CTNNA2: variants seen among roughly 807,000 people sequenced by gnomAD.
The protein encoded by CTNNA2 is catenin alpha 2.
A neutral mutation model predicts 101.0 loss-of-function variants in CTNNA2; 42 were observed. The observed-to-expected ratio is 0.42, with a 90% CI of 0.32 to 0.54. CTNNA2 has a LOEUF of 0.54. Among genes scored for constraint, CTNNA2 ranks in the 20% least tolerant of loss-of-function variants. The pLI, the probability that CTNNA2 is intolerant of heterozygous loss-of-function variation, is 0.14. For synonymous variants in CTNNA2, 450 were observed against 456.4 expected, an observed-to-expected ratio of 0.99 and a Z score of 0.18; for missense variants, 871 against 1,223.1, an observed-to-expected ratio of 0.71 and a Z score of 4.29.
At chr2:80,643,266 G>A (rs943010659) in intron 18 of CTNNA2, among the ~76,000 whole-genome samples, 3 of 152,044 alleles carry the variant, frequency 2.0e-5, no homozygotes, top group Non-Finnish European at 2.9e-5. Flanking sequence ...GTAAGATCAT[G>A]GGCTCAGTGG....
chr2:80,389,324 C>G (rs935167046), intron 7 of CTNNA2, among the ~76,000 whole-genome samples: 8 of 145,992 alleles, frequency 5.5e-5, no homozygotes, highest in African/African-American at 1.9e-4. Flanking sequence ...AAAACTCAGA[C>G]TTTTAAAAAA....
chr2:80,201,388 T>TG (rs1195097277), intron 7 of CTNNA2, among the ~76,000 whole-genome samples: 7 of 146,020 alleles, frequency 4.8e-5, no homozygotes, highest in Non-Finnish European at 1.1e-4. Flanking sequence ...TTTTTTTTTT[T>TG]TTTGAGACAG....
At chr2:79,618,430 T>C (rs1678780234) in intron 1 of CTNNA2, among the ~76,000 whole-genome samples, 1 of 152,308 alleles carries the variant, frequency 6.6e-6, no homozygotes, top group African/African-American at 2.4e-5. Context: ...GGTTGCTAGT[T>C]TGAGGTTACT....
At chr2:79,497,178 G>A (rs1212724966) in intron 4 of CTNNA2, among the ~76,000 whole-genome samples, 1 of 152,196 alleles carries the variant, frequency 6.6e-6, no homozygotes, top group Non-Finnish European at 1.5e-5. Context: ...GGGCCTGCAG[G>A]AGCTAAGGAG....
chr2:79,860,248 C>T (rs930019618), intron 4 of CTNNA2, among the ~76,000 whole-genome samples: 9 of 152,204 alleles, frequency 5.9e-5, no homozygotes, highest in Non-Finnish European at 1.2e-4. Context: ...TACGACTGAA[C>T]CTAACAAAAT....
At chr2:80,380,311 C>G (rs1341235957) in intron 7 of CTNNA2, among the ~76,000 whole-genome samples, 1 of 152,130 alleles carries the variant, frequency 6.6e-6, no homozygotes, top group African/African-American at 2.4e-5. Context: ...GCTGGGATTA[C>G]AGGCGTGAGC....
intron 1 of CTNNA2, among the ~76,000 whole-genome samples, chr2:79,650,150 C>A (rs926758192): frequency 8.5e-6 from 1 of 117,098 alleles, no homozygotes. Context: ...AGAAACAAAC[C>A]CCTGATAGAA....
intron 2 of CTNNA2, among the ~76,000 whole-genome samples, chr2:79,240,613 TATAA>T (rs1306559663): frequency 1.3e-5 from 2 of 152,184 alleles, no homozygotes; most frequent in African/African-American, 4.8e-5. Context: ...ATCATAATTC[TATAA>T]ATATGTGATA....
intron 2 of CTNNA2, among the ~76,000 whole-genome samples, chr2:79,250,044 A>G (rs1426337267): frequency 6.6e-6 from 1 of 152,190 alleles, no homozygotes; most frequent in Non-Finnish European, 1.5e-5. Context: ...CCTCCTGAGC[A>G]TGCTACATCC....
intron 18 of CTNNA2, among the ~76,000 whole-genome samples, chr2:80,647,103 C>T (rs1185506204): frequency 3.9e-5 from 6 of 152,052 alleles, no homozygotes; most frequent in Non-Finnish European, 7.4e-5. Flanking sequence ...AATTGATACT[C>T]CAAGCTCAAT....
intron 3 of CTNNA2, among the ~76,000 whole-genome samples, chr2:79,786,488 TA>T (rs200128553): frequency 8.2e-4 from 114 of 139,664 alleles, no homozygotes; most frequent in African/African-American, 2.7e-3. Flanking sequence ...TAAGTAAAGA[TA>T]TTTTTTTTTC....
chr2:79,458,997 G>T (rs559386573), intron 4 of CTNNA2, among the ~76,000 whole-genome samples: 1 of 152,086 alleles, frequency 6.6e-6, no homozygotes, highest in African/African-American at 2.4e-5. Flanking sequence ...AAAAAGAAAT[G>T]GATAAAACGA....
At chr2:80,071,220 GA>G (rs958966582) in intron 7 of CTNNA2, among the ~76,000 whole-genome samples, 13 of 152,142 alleles carry the variant, frequency 8.5e-5, no homozygotes, top group African/African-American at 2.9e-4. Context: ...ATCATAGAAA[GA>G]AAAAAAGTTT....
intron 7 of CTNNA2, among the ~76,000 whole-genome samples, chr2:79,920,702 A>G (rs767754191): frequency 5.9e-5 from 9 of 152,180 alleles, no homozygotes; most frequent in Non-Finnish European, 1.2e-4. Flanking sequence ...ATGACTCACT[A>G]TGCAGTGCCC....
chr2:79,522,820 A>G (rs908858272), intron 1 of CTNNA2, among the ~76,000 whole-genome samples: 27 of 152,228 alleles, frequency 1.8e-4, no homozygotes, highest in Middle Eastern at 3.2e-3. Flanking sequence ...CATTATCTAT[A>G]CAGAGGTATC....
At chr2:80,564,509 G>GT (rs70940087) in intron 12 of CTNNA2, among the ~76,000 whole-genome samples, 25,624 of 141,234 alleles carry the variant, frequency 0.18, 2,333 homozygotes, top group Middle Eastern at 0.23. Context: ...AATTTAGAGA[G>GT]TTTTTTTTTT....
At chr2:80,241,996 T>C (rs545171955) in intron 7 of CTNNA2, among the ~76,000 whole-genome samples, 15 of 152,332 alleles carry the variant, frequency 9.8e-5, no homozygotes, top group Admixed American at 5.2e-4. Context: ...AGTTAACTCA[T>C]AATGAATCTT....
At chr2:79,804,176 A>G (rs916429691) in intron 3 of CTNNA2, among the ~76,000 whole-genome samples, 3 of 152,216 alleles carry the variant, frequency 2.0e-5, no homozygotes, top group Non-Finnish European at 4.4e-5. Flanking sequence ...TTTTTTCAAT[A>G]ATTTTAGCAC....
chr2:79,507,031 T>C (rs886864518), intron 5 of CTNNA2, among the ~76,000 whole-genome samples: 2 of 152,298 alleles, frequency 1.3e-5, no homozygotes, highest in African/African-American at 2.4e-5. Context: ...AGAGCTATCA[T>C]GTAACCCTCT....
Sources: allele counts gnomAD v4.1 joint callset (sites outside exome capture counted in the v4.1 genomes callset), GRCh38; gene constraint gnomAD v4.1.1; transcripts MANE v1.5; gene names NCBI Gene and HGNC (gene_info 2026-07-23, HGNC 2026-07-21).